Variants in GSTCD observed in about 807,000 individuals in gnomAD.
GSTCD encodes the protein glutathione S-transferase C-terminal domain containing, also known as glutathione S-transferase C-terminal domain-containing protein.
GSTCD carries 44 observed loss-of-function variants against 68.3 expected under a neutral mutation model. The observed-to-expected ratio is 0.64, with a 90% CI of 0.51 to 0.83. The LOEUF is 0.83. Among genes scored for constraint, GSTCD ranks in the 40% least tolerant of loss-of-function variants. GSTCD has a pLI of 0.00. For missense variants in GSTCD, 739 were observed against 735.9 expected, an observed-to-expected ratio of 1.00 and a Z score of -0.05; for synonymous variants, 273 against 255.2, an observed-to-expected ratio of 1.07 and a Z score of -0.67.
At position 105,841,677 on chromosome 4, in the gene GSTCD, AAAAAAATAC is replaced by A. The variant is rs575889378; in HGVS notation, c.1696-371_1696-363del. The stretch of plus-strand genomic sequence containing the variant: ...ATGGTGAAACCCCGTTTCTATTGAA[AAAAAAATAC>A]AAAAAATACAAAAAATTAGCCAGAT... On this transcript the variant is annotated intron_variant, in intron 10 of 11. Coordinates refer to ENST00000515279, the MANE Select transcript of GSTCD (RefSeq NM_001370181.1). Among the ~76,000 whole-genome samples, 627 of 151,454 alleles carry A rather than the reference AAAAAAATAC, an allele frequency of 4.1e-3. 5 individuals carry two copies. The highest frequency in any genetic ancestry group is 0.015 in the African/African-American group (602 of 41,350).
At chr4:105,820,564 C>G (rs548520141) in intron 5 of GSTCD, 20 of 151,910 alleles carry the variant, frequency 1.3e-4, no homozygotes, top group African/African-American at 4.3e-4. Context: ...ATTTGAGATC[C>G]TGCTCATATT....
At chr4:105,749,316 G>A (rs947120721) in intron 5 of GSTCD, among the ~76,000 whole-genome samples, 1 of 151,920 alleles carries the variant, frequency 6.6e-6, no homozygotes, top group Non-Finnish European at 1.5e-5. Flanking sequence ...AAATGTATCT[G>A]TAAGTACAAC....
intron 5 of GSTCD, among the ~76,000 whole-genome samples, chr4:105,809,832 G>C (rs1578494398): frequency 6.7e-6 from 1 of 150,240 alleles, no homozygotes; most frequent in South Asian, 2.1e-4. Flanking sequence ...TGTTTACATT[G>C]TCTCAAAGTA....
chr4:105,750,899 A>G (rs185695600), intron 5 of GSTCD, among the ~76,000 whole-genome samples: 40 of 152,354 alleles, frequency 2.6e-4, no homozygotes, highest in Non-Finnish European at 5.0e-4. Context: ...AAGGTTACCT[A>G]TACTGTATGT....
At chr4:105,753,523 A>G (rs997142680) in intron 5 of GSTCD, among the ~76,000 whole-genome samples, 1 of 152,066 alleles carries the variant, frequency 6.6e-6, no homozygotes, top group Non-Finnish European at 1.5e-5. Flanking sequence ...TCTTGTCATG[A>G]TGCCCTAAAC....
rs1326410890 is a variant in GSTCD, at chr4:105,773,375, C to G, written c.1240+43876C>G. On this transcript the variant is annotated intron_variant, in intron 5 of 11. Coordinates refer to ENST00000515279, the MANE Select transcript of GSTCD (RefSeq NM_001370181.1). The stretch of plus-strand genomic sequence containing the variant: ...CTGTCTCCCTCAGTTCTGCTTTGAT[C>G]TTAGTTATTTCTTGTCTTCTACCAG... Among the ~76,000 whole-genome samples, 3 of 152,042 alleles carry G rather than the reference C, an allele frequency of 2.0e-5. No homozygotes were observed. The East Asian group carries it at 5.8e-4, about 29-fold the overall frequency.
At position 105,786,469 on chromosome 4, in the gene GSTCD, C is replaced by A. The variant is rs143336660; in HGVS notation, c.1241-36485C>A. Among the ~76,000 whole-genome samples, 484 of 150,798 alleles carry A rather than the reference C, an allele frequency of 3.2e-3. 13 individuals are homozygous for A. Among genetic ancestry groups the A allele is most frequent in the African/African-American group, 0.011 (457 of 40,820 alleles). ...GAAGGTTGCAGTGAACCGCAGACTG[C>A]GCGCCACTGCACTCTGCCCTGGGCA... On this transcript the variant is annotated intron_variant, in intron 5 of 11. Coordinates refer to ENST00000515279, the MANE Select transcript of GSTCD (RefSeq NM_001370181.1).
intron 10 of GSTCD, among the ~76,000 whole-genome samples, 165 bp downstream of exon 10, chr4:105,838,054 T>C (rs1487012448): frequency 2.0e-5 from 3 of 152,224 alleles, no homozygotes; most frequent in Admixed American, 2.0e-4. Context: ...CCAGATTAAC[T>C]CTTCAAGTAG....
chr4:105,844,312 A>G (rs1724470847), intron 11 of GSTCD, among the ~76,000 whole-genome samples: 1 of 152,214 alleles, frequency 6.6e-6, no homozygotes, highest in Non-Finnish European at 1.5e-5. Flanking sequence ...TTAATGAAGA[A>G]GGGATGATTT....
chr4:105,825,901 A>C, intron 8 of GSTCD, 101 bp downstream of exon 8: 4 of 649,972 alleles, frequency 6.2e-6, no homozygotes, highest in Non-Finnish European at 7.7e-6. Context: ...TTTGCCAAAC[A>C]AATTTATAAT....
chr4:105,739,224 G>C (rs1488682266), intron 5 of GSTCD, among the ~76,000 whole-genome samples: 1 of 152,056 alleles, frequency 6.6e-6, no homozygotes, highest in Non-Finnish European at 1.5e-5. Context: ...TGTGCTGTTG[G>C]ATTTTCTGTT....
At chr4:105,762,285 A>G (rs1169368517) in intron 5 of GSTCD, among the ~76,000 whole-genome samples, 2 of 152,192 alleles carry the variant, frequency 1.3e-5, no homozygotes, top group African/African-American at 4.8e-5. Context: ...CTAAATGAAT[A>G]TATTCTAACT....
intron 1 of GSTCD, among the ~76,000 whole-genome samples, chr4:105,714,350 C>T (rs1013334151): frequency 1.3e-5 from 2 of 152,030 alleles, no homozygotes; most frequent in East Asian, 1.9e-4. Flanking sequence ...AGAGCTGTGC[C>T]GCAGAAGCCC....
chr4:105,823,235 A>G lies in GSTCD; in HGVS notation c.1361A>G (p.His454Arg), dbSNP rs1398721817. The change falls in exon 7 of 12, where the codon CAT becomes CGT. Residue 454 changes from histidine (H) to arginine (R), a missense_variant. Transcript: ENST00000515279. ...RIVDFCSGGG[H>R]VGIVLAHMLP... ...TTGTCTTACTGACTTTTTCAGGGCC[A>G]TGTTGGAATTGTCCTTGCTCACATG... 6 of 1,613,732 alleles carry G rather than the reference A, an allele frequency of 3.7e-6. No homozygotes were observed. Among genetic ancestry groups the G allele is most frequent in the Non-Finnish European group, 5.1e-6 (6 of 1,179,772 alleles).
chr4:105,736,328 G>A (rs1277806091), intron 5 of GSTCD, among the ~76,000 whole-genome samples: 3 of 152,228 alleles, frequency 2.0e-5, no homozygotes, highest in East Asian at 1.9e-4. Context: ...TGGTAATCTT[G>A]TGGGGCTTGG....
chr4:105,845,624 A>G lies in GSTCD; in HGVS notation c.*47A>G. On this transcript the variant is annotated 3_prime_UTR_variant, in exon 12 of 12. Transcript: ENST00000515279. ...ATTTTGCCATCCGTCTTCACGTTGG[A>G]TGCCCAGTGGCATTCAGGAGGTTCT... 6.2e-7 allele frequency: 1 copy of G among 1,603,674 alleles called. No homozygotes were observed. Among genetic ancestry groups the G allele is most frequent in the East Asian group, 2.2e-5 (1 of 44,794 alleles).
chr4:105,809,321 C>A (rs868757077), intron 5 of GSTCD, among the ~76,000 whole-genome samples: 1 of 152,130 alleles, frequency 6.6e-6, no homozygotes, highest in Middle Eastern at 3.4e-3. Context: ...TCTGAGGTTT[C>A]AGTCATTCAC....
chr4:105,717,854 CT>C lies in GSTCD; in HGVS notation c.242del (p.Leu81ProfsTer4). On this transcript the variant is annotated frameshift_variant, in exon 2 of 12. Transcript: ENST00000515279. LOFTEE classifies it high-confidence loss of function. ...VEIQIISRQELPPIVQNCCLP... is the reference protein window; with the variant it reads ...VEIQIISRQEXPPIVQNCCLP... ...AATACAGATTATTTCAAGGCAGGAG[CT>C]CCCACCAATAGTCCAAAATTGCTGT... 6.2e-7 allele frequency: 1 copy of C among 1,614,070 alleles called. No homozygotes were observed. Among genetic ancestry groups the C allele is most frequent in the Non-Finnish European group, 8.5e-7 (1 of 1,179,974 alleles).
intron 4 of GSTCD, among the ~76,000 whole-genome samples, chr4:105,727,859 A>G (rs1018549912): frequency 1.3e-5 from 2 of 152,348 alleles, no homozygotes; most frequent in African/African-American, 4.8e-5. Flanking sequence ...ATTTATTTGA[A>G]TAGAGAATTC....
Sources: allele counts gnomAD v4.1 joint callset (sites outside exome capture counted in the v4.1 genomes callset), GRCh38; gene constraint gnomAD v4.1.1; transcripts MANE v1.5; gene names NCBI Gene and HGNC (gene_info 2026-07-23, HGNC 2026-07-21).